The following MAST1 variants were observed in gnomAD, a reference collection of about 807,000 sequenced individuals.
MAST1 encodes microtubule-associated serine/threonine-protein kinase 1.
In MAST1, 40 loss-of-function variants were observed where a neutral mutation model predicts 124.6. The observed-to-expected ratio is 0.32, with a 90% CI of 0.25 to 0.42. MAST1 has a LOEUF of 0.42. Among genes scored for constraint, MAST1 ranks in the 10% least tolerant of loss-of-function variants. MAST1 has a pLI of 1.00. For missense variants in MAST1, 1,558 were observed against 2,181.9 expected (o/e 0.71, Z 5.70); for synonymous variants, 938 against 939.4 (o/e 1.00, Z 0.03).
Position 12,865,552 on chromosome 19 carries a change from G to T in MAST1, c.1804+71G>T. ...AGAGATGGACAGGCTCAGGGTTCCA[G>T]GGATTTCAAAAGCGACCCCCCAGAG... On this transcript the variant is annotated intron_variant, in intron 15 of 25. Coordinates refer to ENST00000251472, the MANE Select transcript of MAST1 (RefSeq NM_014975.3). The surrounding 1 kb of genome is among the most constrained non-coding windows in gnomAD (Gnocchi z 7.1). 6.5e-7 allele frequency: 1 copy of T among 1,529,196 alleles called. No individual in the cohort carries two copies. Among genetic ancestry groups the T allele is most frequent in the South Asian group, 1.3e-5 (1 of 77,278 alleles). The allele number at this position is 1,529,196 out of a possible 1,614,324, so 94.7% of individuals were successfully genotyped here. A position where few individuals can be genotyped will look rare whatever the true frequency, so the allele number is the denominator to read the frequency against.
chr19:12,864,772 C>A (rs779213275), intron 12 of MAST1, 37 bp from the exon 13 acceptor site: 1 of 1,611,560 alleles, frequency 6.2e-7, no homozygotes, highest in Non-Finnish European at 8.5e-7. Flanking sequence ...GAGAGGAATG[C>A]CTCCCTTTTT....
At position 12,868,734 on chromosome 19, in the gene MAST1, G is replaced by A. The variant is rs549541934; in HGVS notation, c.2658G>A (p.Arg886=). 1.9e-5 allele frequency: 31 copies of A among 1,613,214 alleles called. No homozygotes were observed. In the South Asian group the frequency reaches 3.1e-4, roughly 16 times the overall value. The part of the protein sequence containing the change: ...PRATNDLVLR[R]ARHQQMSGDV... ...CTACCAATGACTTGGTTCTGCGCCG[G>A]GCGCGGCACCAGCAGATGTCAGGGG... Residue 886 remains arginine (R), a synonymous_variant, in exon 21 of 26, where the codon CGG becomes CGA. Transcript: ENST00000251472.
Position 12,873,438 on chromosome 19 carries a change from C to G in MAST1, c.3378C>G (p.Gly1126=), listed in dbSNP as rs1970264897. 6.2e-7 allele frequency: 1 copy of G among 1,612,620 alleles called. No homozygotes were observed. Among genetic ancestry groups the G allele is most frequent in the African/African-American group, 1.3e-5 (1 of 74,948 alleles). The stretch of plus-strand genomic sequence containing the variant: ...TGTCATCCAGCGATAGTCTCCCGGG[C>G]TCGCCTACGCACGGGCTGCCGGCGC... ...RSLSSSDSLP[G]SPTHGLPARS... is the part of the protein sequence containing the mutation. The change falls in exon 25 of 26, where the codon GGC becomes GGG. Residue 1126 remains glycine (G), a synonymous_variant. Coordinates refer to ENST00000251472, the MANE Select transcript of MAST1 (RefSeq NM_014975.3).
In MAST1 at chr19:12,873,946, C is replaced by T. The variant is rs1229883971; in HGVS notation, c.3789C>T (p.Arg1263=). ...AEPPRSPLLK[R]VQSAEKLGAS... ...CCCCTCGCTCGCCGCTCCTCAAGCG[C>T]GTGCAGTCGGCCGAGAAGCTGGGAG... Residue 1263 remains arginine, a synonymous_variant, in exon 26 of 26, where the codon CGC becomes CGT. Transcript: ENST00000251472. 1 of 1,595,004 alleles carries T rather than the reference C, an allele frequency of 6.3e-7. No homozygotes were observed. Among genetic ancestry groups the T allele is most frequent in the Non-Finnish European group, 8.5e-7 (1 of 1,177,298 alleles).
rs1410870445 is a variant in MAST1, at chr19:12,843,003, G to A, written c.249-526G>A. 6.6e-6 allele frequency among the ~76,000 whole-genome samples: 1 copy of A among 152,174 alleles called. No individual in the cohort carries two copies. Among genetic ancestry groups the A allele is most frequent in the African/African-American group, 2.4e-5 (1 of 41,426 alleles). ...GAGTGTGTGTCTTCGTGTGTGTGAA[G>A]TGTAAATGTGTGCACTGCCAGTATG... On this transcript the variant is annotated intron_variant, in intron 3 of 25. Coordinates refer to ENST00000251472, the MANE Select transcript of MAST1 (RefSeq NM_014975.3). The surrounding 1 kb of genome is among the most constrained non-coding windows in gnomAD (Gnocchi z 4.9).
intron 20 of MAST1, 155 bp from the exon 21 acceptor site, chr19:12,868,488 A>G (rs1167614635): frequency 3.2e-6 from 2 of 630,146 alleles, no homozygotes; most frequent in African/African-American, 3.7e-5. Flanking sequence ...CTATGTCTCT[A>G]TATGAGGAGC....
At position 12,867,621 on chromosome 19, in the gene MAST1, G is replaced by A; in HGVS notation, c.2287G>A (p.Glu763Lys). The A allele has an allele frequency of 6.2e-7, 1 of 1,609,992 alleles. No individual in the cohort carries two copies. Among genetic ancestry groups the A allele is most frequent in the Non-Finnish European group, 8.5e-7 (1 of 1,178,142 alleles). Residue 763 changes from glutamate to lysine, a missense_variant, in exon 19 of 26, where the codon GAG (glutamate) becomes AAG (lysine). By Grantham distance (56) the Glu-to-Lys change is moderately conservative. Coordinates refer to ENST00000251472, the MANE Select transcript of MAST1 (RefSeq NM_014975.3). ...GGGGCTGGGCGGCCTGACCCTGCGTGAGAAGACCTGGAGAGGGGGCTCTCC... is the reference window on the plus strand; with the variant it reads ...GGGGCTGGGCGGCCTGACCCTGCGTAAGAAGACCTGGAGAGGGGGCTCTCC... ...REGLGGLTLR[E>K]KTWRGGSPEI...
At chr19:12,848,216 T>A in intron 7 of MAST1, 159 bp downstream of exon 7, 1 of 638,648 alleles carries the variant, frequency 1.6e-6, no homozygotes, top group Non-Finnish European at 2.7e-6. Flanking sequence ...GTCCCTTCCC[T>A]AGGTCTGACC....
chr19:12,856,153 TTATGTAATATC>T (rs1376250746), intron 10 of MAST1, among the ~76,000 whole-genome samples: 3 of 152,144 alleles, frequency 2.0e-5, no homozygotes, highest in Non-Finnish European at 2.9e-5. Context: ...ATAGATCTTT[TTATGTAATATC>T]TATGTAATAA....
intron 18 of MAST1, 111 bp from the exon 19 acceptor site, chr19:12,867,363 A>C: frequency 8.0e-7 from 1 of 1,243,802 alleles, no homozygotes. Flanking sequence ...GGGCGGAGCC[A>C]GGCCTCGGAG....
At chr19:12,856,818 T>G (rs145152173) in intron 10 of MAST1, among the ~76,000 whole-genome samples, 24 of 152,294 alleles carry the variant, frequency 1.6e-4, no homozygotes, top group Non-Finnish European at 2.9e-4. Flanking sequence ...ATGAGCAAGA[T>G]AGTAGATATA....
intron 12 of MAST1, among the ~76,000 whole-genome samples, chr19:12,862,648 T>G (rs1970098455): frequency 6.6e-6 from 1 of 151,536 alleles, no homozygotes; most frequent in Non-Finnish European, 1.5e-5. Flanking sequence ...GTTGTTGTTT[T>G]TTTCTTTTCC....
intron 12 of MAST1, 146 bp from the exon 13 acceptor site, chr19:12,864,663 C>A: frequency 9.9e-7 from 1 of 1,014,328 alleles, no homozygotes; most frequent in South Asian, 1.6e-5. Context: ...CAGTAGAGGA[C>A]CTGGAGGGAG....
At position 12,867,575 on chromosome 19, in the gene MAST1, G is replaced by A. The variant is rs765806300; in HGVS notation, c.2241G>A (p.Glu747=). The A allele has an allele frequency of 6.2e-7, 1 of 1,613,478 alleles. No individual in the cohort carries two copies. ...KREPSTKGPE[E]KVAGKREGLG... ...AGCCGAGCACCAAGGGCCCCGAGGA[G>A]AAGGTGGCCGGCAAGCGGGAGGGGC... Residue 747 remains glutamate, a synonymous_variant, in exon 19 of 26, where the codon GAG becomes GAA. Coordinates refer to ENST00000251472, the MANE Select transcript of MAST1 (RefSeq NM_014975.3).
In MAST1 at chr19:12,847,162, G is replaced by A; in HGVS notation, c.328-128G>A. 3.0e-6 allele frequency: 2 copies of A among 663,056 alleles called. No individual in the cohort carries two copies. The highest frequency in any genetic ancestry group is 4.1e-4 in the Middle Eastern group (1 of 2,436). 41.1% of individuals were successfully genotyped at this position (663,056 alleles called of 1,614,324 possible). On this transcript the variant is annotated intron_variant, in intron 4 of 25. Coordinates refer to ENST00000251472, the MANE Select transcript of MAST1 (RefSeq NM_014975.3). This position sits in a 1 kb window ranked among gnomAD's most constrained non-coding sequence, Gnocchi z 5.5. ...CCCAGCCAAGATCCTAGGATCCAAG[G>A]ATCGTAAATCAGGTCCTGATCCTGG...
intron 22 of MAST1, among the ~76,000 whole-genome samples, chr19:12,870,173 A>T (rs1257955953): frequency 1.9e-4 from 13 of 69,686 alleles, no homozygotes; most frequent in African/African-American, 2.5e-4. Flanking sequence ...AGAGCAAGAC[A>T]CCATCTCAAA....
Position 12,866,613 on chromosome 19 carries a change from A to C in MAST1, c.2030-40A>C. On this transcript the variant is annotated intron_variant, in intron 17 of 25. Transcript: ENST00000251472. This position sits in a 1 kb window ranked among gnomAD's most constrained non-coding sequence, Gnocchi z 5.2. ...CCTGTGGGGATGTGATATGAGGAGG[A>C]ACCCCGTACCCTCAGTCACAGCCCA... The C allele has an allele frequency of 7.3e-7, 1 of 1,367,888 alleles. No homozygotes were observed. Among genetic ancestry groups the C allele is most frequent in the Non-Finnish European group, 1.0e-6 (1 of 965,584 alleles). The allele number at this position is 1,367,888 out of a possible 1,614,324, so 84.7% of individuals were successfully genotyped here.
chr19:12,865,702 C>T lies in MAST1; in HGVS notation c.1805-15C>T. ...AACAACAAAAACCGCCCCTAAGTTC[C>T]GTTTTGTTTTGCAGATGACATCCTG... On this transcript the variant is annotated splice_polypyrimidine_tract_variant and intron_variant, in intron 15 of 25. Coordinates refer to ENST00000251472, the MANE Select transcript of MAST1 (RefSeq NM_014975.3). The surrounding 1 kb of genome is among the most constrained non-coding windows in gnomAD (Gnocchi z 7.1). The T allele has an allele frequency of 6.3e-7, 1 of 1,596,746 alleles. No individual in the cohort carries two copies. Among genetic ancestry groups the T allele is most frequent in the Non-Finnish European group, 8.5e-7 (1 of 1,170,220 alleles).
chr19:12,860,446 C>CTT (rs397956908), intron 12 of MAST1, among the ~76,000 whole-genome samples: 5,845 of 116,536 alleles, frequency 0.05, 284 homozygotes, highest in African/African-American at 0.091. Flanking sequence ...TTCTTTCTTT[C>CTT]TTTTTTTTTT....
Sources: allele counts gnomAD v4.1 joint callset (sites outside exome capture counted in the v4.1 genomes callset), GRCh38; gene constraint gnomAD v4.1.1; non-coding constraint Gnocchi (gnomAD v3.1); transcripts MANE v1.5; gene names NCBI Gene and HGNC (gene_info 2026-07-23, HGNC 2026-07-21).